The following WWOX variants were observed in gnomAD, a reference collection of about 807,000 sequenced individuals.
WWOX encodes the protein WW domain containing oxidoreductase, also known as WW domain-containing oxidoreductase.
WWOX carries 69 observed loss-of-function variants against 46.2 expected under a neutral mutation model. The ratio of observed to expected loss-of-function variants is 1.49; its 90% CI spans 1.23 to 1.82. WWOX has a LOEUF of 1.82. WWOX is among the 40% of genes most tolerant of loss of function. The pLI is 0.00. For missense variants in WWOX, 919 were observed against 542.6 expected (o/e 1.69, Z -6.89); for synonymous variants, 359 against 202.6 (o/e 1.77, Z -6.56).
At chr16:78,887,112 GTGTGTGTGTGTGTGTGTGTGTGTA>G (rs2044480156) in intron 8 of WWOX, among the ~76,000 whole-genome samples, 3 of 97,304 alleles carry the variant, frequency 3.1e-5, no homozygotes, top group Admixed American at 1.1e-4. Context: ...GTGTGTGTGT[GTGTGTGTGTGTGTGTGTGTGTGTA>G]TACCTAGTCT....
intron 8 of WWOX, chr16:78,996,156 T>C: frequency 2.1e-6 from 2 of 964,480 alleles, no homozygotes; most frequent in South Asian, 4.8e-5. Context: ...TTTTAATTTT[T>C]TTTTTAACGA....
intron 6 of WWOX, among the ~76,000 whole-genome samples, chr16:78,388,352 A>T (rs975890431): frequency 1.3e-5 from 2 of 152,128 alleles, no homozygotes; most frequent in African/African-American, 4.8e-5. Context: ...TTAGATTTAA[A>T]AAGTTTGCTC....
At chr16:78,379,549 A>G (rs1426992134) in intron 5 of WWOX, among the ~76,000 whole-genome samples, 3 of 152,158 alleles carry the variant, frequency 2.0e-5, no homozygotes, top group Non-Finnish European at 2.9e-5. Flanking sequence ...GTGCTGCTAG[A>G]TTTGCCAAAA....
At chr16:78,759,593 C>G (rs2049740852) in intron 8 of WWOX, among the ~76,000 whole-genome samples, 1 of 152,120 alleles carries the variant, frequency 6.6e-6, no homozygotes, top group Non-Finnish European at 1.5e-5. Context: ...AAAGAATTCT[C>G]AATCTGTGGA....
intron 5 of WWOX, among the ~76,000 whole-genome samples, chr16:78,256,707 C>G (rs570250644): frequency 1.2e-4 from 19 of 152,166 alleles, no homozygotes; most frequent in African/African-American, 4.3e-4. Flanking sequence ...TGTTGAATGA[C>G]TGAATGAATG....
intron 8 of WWOX, among the ~76,000 whole-genome samples, chr16:78,969,167 C>G (rs1033961442): frequency 6.6e-6 from 1 of 151,924 alleles, no homozygotes; most frequent in Non-Finnish European, 1.5e-5. Context: ...TGGGTCTGGG[C>G]ACTGAATTCA....
intron 8 of WWOX, among the ~76,000 whole-genome samples, chr16:79,120,149 T>G (rs1475100688): frequency 6.6e-6 from 1 of 152,194 alleles, no homozygotes; most frequent in East Asian, 1.9e-4. Flanking sequence ...AATCCAAAAC[T>G]CAGGGACTGG....
intron 8 of WWOX, among the ~76,000 whole-genome samples, chr16:78,482,972 A>T (rs147717641): frequency 3.9e-5 from 6 of 152,130 alleles, no homozygotes; most frequent in Non-Finnish European, 7.3e-5. Context: ...ACTGAGATCT[A>T]TGCATGTTGT....
chr16:78,691,770 A>G (rs1355450888), intron 8 of WWOX, among the ~76,000 whole-genome samples: 1 of 152,136 alleles, frequency 6.6e-6, no homozygotes, highest in Admixed American at 6.6e-5. Context: ...TGTAGGAGAG[A>G]GTTACTATTA....
intron 8 of WWOX, among the ~76,000 whole-genome samples, chr16:78,484,318 C>T (rs1735133120): frequency 6.6e-6 from 1 of 152,028 alleles, no homozygotes; most frequent in South Asian, 2.1e-4. Context: ...CATCTAAGAC[C>T]CTTTTGTTCA....
At chr16:78,254,116 G>C (rs1022135928) in intron 5 of WWOX, among the ~76,000 whole-genome samples, 1 of 151,870 alleles carries the variant, frequency 6.6e-6, no homozygotes, top group Non-Finnish European at 1.5e-5. Flanking sequence ...TGTCACTCAG[G>C]CTAGAGTGCA....
intron 8 of WWOX, among the ~76,000 whole-genome samples, chr16:78,737,078 A>G (rs1216717592): frequency 2.0e-5 from 3 of 151,698 alleles, no homozygotes; most frequent in African/African-American, 7.3e-5. Context: ...TTCCTTGCTC[A>G]TCTGTCTTTA....
intron 8 of WWOX, among the ~76,000 whole-genome samples, chr16:79,201,079 T>C (rs1042936308): frequency 6.6e-6 from 1 of 152,144 alleles, no homozygotes; most frequent in African/African-American, 2.4e-5. Context: ...ATGTCGACTT[T>C]CCAGATGAGG....
intron 8 of WWOX, among the ~76,000 whole-genome samples, chr16:78,868,743 C>G (rs181451040): frequency 3.9e-5 from 6 of 152,142 alleles, no homozygotes; most frequent in Non-Finnish European, 7.4e-5. Flanking sequence ...TAGGCTCTGG[C>G]TCACTATATA....
At chr16:78,867,826 A>G (rs2178952) in intron 8 of WWOX, among the ~76,000 whole-genome samples, 51,046 of 151,976 alleles carry the variant, frequency 0.34, 9,183 homozygotes, top group Middle Eastern at 0.47. Context: ...TGTAAAATGA[A>G]TTCTAGCCCC....
chr16:78,263,601 G>C (rs1229993918), intron 5 of WWOX, among the ~76,000 whole-genome samples: 1 of 152,002 alleles, frequency 6.6e-6, no homozygotes, highest in Non-Finnish European at 1.5e-5. Flanking sequence ...CAGAGACTTT[G>C]TGATGGGGCT....
At chr16:78,433,659 A>G (rs1305999026) in intron 8 of WWOX, among the ~76,000 whole-genome samples, 1 of 152,142 alleles carries the variant, frequency 6.6e-6, no homozygotes, top group Non-Finnish European at 1.5e-5. Flanking sequence ...CAACAACAAA[A>G]GAAGAACTAT....
At chr16:78,545,138 C>T (rs1350465958) in intron 8 of WWOX, among the ~76,000 whole-genome samples, 2 of 152,180 alleles carry the variant, frequency 1.3e-5, no homozygotes, top group African/African-American at 4.8e-5. Flanking sequence ...ATTCCCTCAG[C>T]ACTTTAGGAC....
At chr16:78,552,068 G>C (rs2044187769) in intron 8 of WWOX, 1 of 152,178 alleles carries the variant, frequency 6.6e-6, no homozygotes, top group African/African-American at 2.4e-5. Context: ...TGCATTACCT[G>C]GGGCTCCCTC....
Sources: gnomAD v4.1 joint callset for allele counts (sites outside exome capture counted in the v4.1 genomes callset) on GRCh38, gnomAD v4.1.1 for gene constraint, MANE v1.5 for transcripts, NCBI Gene and HGNC (gene_info 2026-07-23, HGNC 2026-07-21) for gene names.